Variants in NEO1 observed in about 807,000 individuals in gnomAD.
The protein encoded by NEO1 is neogenin.
Under a neutral mutation model 159.7 loss-of-function variants are expected in NEO1, and 63 were observed. The observed-to-expected ratio is 0.39, with a 90% CI of 0.32 to 0.49. The LOEUF is 0.49. NEO1 is among the 20% of genes least tolerant of loss of function. The pLI, the probability that NEO1 is intolerant of heterozygous loss-of-function variation, is 0.85. For missense variants in NEO1, 1,615 were observed against 1,831.0 expected (o/e 0.88, Z 2.15); for synonymous variants, 633 against 662.0 (o/e 0.96, Z 0.67).
At chr15:73,127,404 G>A (rs535656893) in intron 4 of NEO1, among the ~76,000 whole-genome samples, 4 of 152,274 alleles carry the variant, frequency 2.6e-5, no homozygotes, top group African/African-American at 9.6e-5. Context: ...GTTCTCATAA[G>A]AGATGTGGGG....
intron 1 of NEO1, among the ~76,000 whole-genome samples, chr15:73,102,150 G>T (rs1191203333): frequency 6.6e-6 from 1 of 152,170 alleles, no homozygotes; most frequent in Non-Finnish European, 1.5e-5. Flanking sequence ...GGCGGATCAT[G>T]AGGTCGGGAG....
intron 22 of NEO1, among the ~76,000 whole-genome samples, chr15:73,281,080 C>T (rs746285142): frequency 1.5e-4 from 23 of 150,114 alleles, no homozygotes; most frequent in Non-Finnish European, 2.5e-4. Flanking sequence ...TGGTGGCGGG[C>T]GCCTGTAGTC....
chr15:73,208,955 A>T (rs2037395028), intron 7 of NEO1, among the ~76,000 whole-genome samples: 1 of 152,238 alleles, frequency 6.6e-6, no homozygotes, highest in African/African-American at 2.4e-5. Context: ...ATAATGGGAT[A>T]GGGCATAGGG....
intron 15 of NEO1, among the ~76,000 whole-genome samples, chr15:73,266,112 T>A (rs2040877367): frequency 6.6e-6 from 1 of 152,170 alleles, no homozygotes; most frequent in Non-Finnish European, 1.5e-5. Context: ...TGAGACTAAA[T>A]CCGGGAAGTT....
Position 73,302,743 on chromosome 15 carries a change from G to T in NEO1, c.*47G>T. ...TTCAAACCTGAGTCTGGAAGTCTTG[G>T]AACTTACCCTTGAAAACAAGGAATT... is the stretch of plus-strand genomic sequence containing the variant. On this transcript the variant is annotated 3_prime_UTR_variant, in exon 29 of 29. Coordinates refer to ENST00000261908, the MANE Select transcript of NEO1 (RefSeq NM_002499.4). The T allele has an allele frequency of 6.6e-7, 1 of 1,526,104 alleles. No individual in the cohort carries two copies. Among genetic ancestry groups the T allele is most frequent in the Admixed American group, 1.8e-5 (1 of 54,694 alleles). The allele number at this position is 1,526,104 out of a possible 1,614,324, so 94.5% of individuals were successfully genotyped here. A position where few individuals can be genotyped will look rare whatever the true frequency, so the allele number is the denominator to read the frequency against.
At chr15:73,107,563 A>G (rs779993052) in intron 1 of NEO1, among the ~76,000 whole-genome samples, 1 of 152,226 alleles carries the variant, frequency 6.6e-6, no homozygotes, top group Non-Finnish European at 1.5e-5. Flanking sequence ...TAAACAAAGA[A>G]GTATCAGTTA....
At chr15:73,068,511 G>T (rs1203259602) in intron 1 of NEO1, among the ~76,000 whole-genome samples, 1 of 152,014 alleles carries the variant, frequency 6.6e-6, no homozygotes, top group African/African-American at 2.4e-5. Flanking sequence ...TGCACCTGGT[G>T]TGTTTCTGTC....
chr15:73,162,198 C>G (rs2034233890), intron 5 of NEO1: 5 of 217,978 alleles, frequency 2.3e-5, no homozygotes, highest in Admixed American at 1.8e-4. Flanking sequence ...TCCTCCTCTT[C>G]TTGATCTTCT....
intron 2 of NEO1, 102 bp downstream of exon 2, chr15:73,116,959 C>G: frequency 1.1e-6 from 1 of 876,658 alleles, no homozygotes; most frequent in Non-Finnish European, 1.7e-6. Context: ...TTAGTAGCAA[C>G]AAATATACTC....
At chr15:73,051,856 G>A (rs964397965), upstream of NEO1, 10 of 152,226 alleles carry the variant, frequency 6.6e-5, no homozygotes, top group African/African-American at 2.4e-4. Context: ...GAGGCCTTTC[G>A]GTTTCCTCTG....
intron 1 of NEO1, among the ~76,000 whole-genome samples, chr15:73,096,780 T>C: frequency 6.6e-6 from 1 of 152,136 alleles, no homozygotes; most frequent in South Asian, 2.1e-4. Flanking sequence ...TTCTGACTTC[T>C]TTTTGTTTCC....
At chr15:73,079,566 C>G (rs2068940770) in intron 1 of NEO1, among the ~76,000 whole-genome samples, 1 of 151,836 alleles carries the variant, frequency 6.6e-6, no homozygotes. Flanking sequence ...AAATAAATGT[C>G]TCTCTTTATT....
intron 5 of NEO1, among the ~76,000 whole-genome samples, chr15:73,158,328 A>G (rs981101208): frequency 6.7e-6 from 1 of 148,484 alleles, no homozygotes; most frequent in Non-Finnish European, 1.5e-5. Context: ...GACTTTACAG[A>G]TTCATTTCAA....
intron 7 of NEO1, among the ~76,000 whole-genome samples, chr15:73,186,438 G>T (rs1454569096): frequency 2.0e-5 from 3 of 152,216 alleles, no homozygotes; most frequent in East Asian, 3.9e-4. Flanking sequence ...AGAATTTGTT[G>T]CTGACATACC....
intron 5 of NEO1, among the ~76,000 whole-genome samples, chr15:73,165,876 G>A (rs778229940): frequency 1.7e-4 from 26 of 152,156 alleles, no homozygotes; most frequent in African/African-American, 6.0e-4. Context: ...GCATGCAGGC[G>A]GTTAGCTTGA....
intron 7 of NEO1, among the ~76,000 whole-genome samples, chr15:73,200,960 G>A (rs1037714446): frequency 4.6e-5 from 7 of 151,958 alleles, no homozygotes; most frequent in Non-Finnish European, 8.8e-5. Flanking sequence ...GGGTTTATAG[G>A]CATGAACCAG....
At chr15:73,297,452 T>G (rs2151171202) in intron 26 of NEO1, among the ~76,000 whole-genome samples, 1 of 152,324 alleles carries the variant, frequency 6.6e-6, no homozygotes, top group East Asian at 1.9e-4. Flanking sequence ...GTTCAGCACT[T>G]TTCATACATC....
chr15:73,052,543 CGGGCT>C lies in NEO1; in HGVS notation c.-125_-121del, dbSNP rs1040486027. On this transcript the variant is annotated 5_prime_UTR_variant, in exon 1 of 29. Coordinates refer to ENST00000261908, the MANE Select transcript of NEO1 (RefSeq NM_002499.4). Reference sequence around the variant, plus strand: ...AGGGGCTGCGCGGGCCGGGCCGGGCCGGGCTGGGCTGGAGCAGCGGCGGCCGCGGG... The same window carrying C: ...AGGGGCTGCGCGGGCCGGGCCGGGCCGGGCTGGAGCAGCGGCGGCCGCGGG... 7.5e-5 allele frequency: 29 copies of C among 384,134 alleles called. No homozygotes were observed. In the East Asian group the frequency reaches 1.0e-3, roughly 13 times the overall value. The allele number at this position is 384,134 out of a possible 1,614,324, so 23.8% of individuals were successfully genotyped here. A position where few individuals can be genotyped will look rare whatever the true frequency, so the allele number is the denominator to read the frequency against.
chr15:73,205,065 A>G (rs773972313), intron 7 of NEO1, among the ~76,000 whole-genome samples: 2 of 152,152 alleles, frequency 1.3e-5, no homozygotes, highest in African/African-American at 2.4e-5. Context: ...CTTTCAGCTA[A>G]TAGTTGTTTC....
Sources: allele counts gnomAD v4.1 joint callset (sites outside exome capture counted in the v4.1 genomes callset), GRCh38; gene constraint gnomAD v4.1.1; transcripts MANE v1.5; gene names NCBI Gene and HGNC (gene_info 2026-07-23, HGNC 2026-07-21).